SPATA21: variants seen among roughly 807,000 people sequenced by gnomAD.
SPATA21 encodes the protein spermatogenesis-associated protein 21.
In SPATA21, 47 loss-of-function variants were observed where a neutral mutation model predicts 54.8. That is an observed-to-expected ratio of 0.86 (90% confidence interval 0.68 to 1.09). The LOEUF is 1.09. SPATA21 is among the 50% of genes least tolerant of loss of function. The pLI, the probability that SPATA21 is intolerant of heterozygous loss-of-function variation, is 0.00. For synonymous variants in SPATA21, 245 were observed against 235.3 expected (o/e 1.04, Z -0.38); for missense variants, 599 against 596.4 (o/e 1.00, Z -0.05).
At chr1:16,423,412 CAAAA>C (rs1161125061) in intron 3 of SPATA21, among the ~76,000 whole-genome samples, 2 of 59,142 alleles carry the variant, frequency 3.4e-5, no homozygotes, top group African/African-American at 5.1e-5. Context: ...GACTCCATGT[CAAAA>C]AAAAAAAAAA....
rs755477335 is a variant in SPATA21, at chr1:16,421,600, G to A, written c.96-43C>T. On this transcript the variant is annotated intron_variant, in intron 4 of 12. Coordinates refer to ENST00000335496, the MANE Select transcript of SPATA21 (RefSeq NM_198546.1). The surrounding 1 kb of genome is among the most constrained non-coding windows in gnomAD (Gnocchi z 5.2). The stretch of plus-strand genomic sequence containing the variant: ...CCCCAGGTGGGGGAAGCGCTCAGCT[G>A]AAGGTTTGCCCCCCTGCCCTCCCCT... 3 of 1,590,208 alleles carry A rather than the reference G, an allele frequency of 1.9e-6. No individual in the cohort carries two copies. The highest frequency in any genetic ancestry group is 1.7e-6 in the Non-Finnish European group (2 of 1,166,550).
chr1:16,418,318 C>A (rs981288128), intron 5 of SPATA21, among the ~76,000 whole-genome samples: 1 of 152,132 alleles, frequency 6.6e-6, no homozygotes, highest in Non-Finnish European at 1.5e-5. Flanking sequence ...GTCGCCCAGG[C>A]CGGAGTGCAG....
At chr1:16,432,114 C>CTTCT (rs1483263524) in intron 2 of SPATA21, among the ~76,000 whole-genome samples, 2 of 133,104 alleles carry the variant, frequency 1.5e-5, no homozygotes, top group Non-Finnish European at 3.2e-5. Context: ...TCTTCTTCTT[C>CTTCT]TTTTTTTTTT....
intron 3 of SPATA21, among the ~76,000 whole-genome samples, chr1:16,425,890 A>G (rs933785183): frequency 4.6e-5 from 7 of 152,080 alleles, no homozygotes; most frequent in Non-Finnish European, 7.4e-5. Context: ...TTTGATGTCA[A>G]TGTTTGGGGG....
At chr1:16,425,248 G>A (rs896994197) in intron 3 of SPATA21, 2 of 604,990 alleles carry the variant, frequency 3.3e-6, no homozygotes, top group African/African-American at 3.6e-5. Flanking sequence ...TGTAGGCTGG[G>A]GGAATAGCCC....
upstream of SPATA21, among the ~76,000 whole-genome samples, chr1:16,437,659 T>C (rs2086614857): frequency 1.3e-5 from 2 of 152,152 alleles, no homozygotes; most frequent in African/African-American, 4.8e-5. Flanking sequence ...TCCAGGATGG[T>C]AGGAGCTGGA....
intron 3 of SPATA21, among the ~76,000 whole-genome samples, chr1:16,424,174 G>A (rs1012253724): frequency 8.3e-5 from 4 of 48,318 alleles, no homozygotes; most frequent in Non-Finnish European, 1.4e-4. Flanking sequence ...CAGGCTGGGT[G>A]CGGTGGCTCA....
intron 10 of SPATA21, among the ~76,000 whole-genome samples, chr1:16,401,243 A>G (rs1223975463): frequency 6.6e-6 from 1 of 152,254 alleles, no homozygotes; most frequent in Admixed American, 6.5e-5. Context: ...TCAAGCACGC[A>G]GCATGGTGTC....
chr1:16,423,167 A>G (rs2086218418), intron 3 of SPATA21, among the ~76,000 whole-genome samples: 1 of 147,716 alleles, frequency 6.8e-6, no homozygotes, highest in Non-Finnish European at 1.5e-5. Flanking sequence ...TTGAAAAAAA[A>G]TAATAAAGGC....
At chr1:16,420,842 G>A (rs2086151677) in intron 5 of SPATA21, among the ~76,000 whole-genome samples, 1 of 152,024 alleles carries the variant, frequency 6.6e-6, no homozygotes, top group Non-Finnish European at 1.5e-5. Context: ...GAGGGAGGGC[G>A]GTGTGGCCAA....
rs765547290 is a variant in SPATA21, at chr1:16,409,909, C to T, written c.279G>A (p.Glu93=). Residue 93 remains glutamate (E), a synonymous_variant, in exon 6 of 13, where the codon GAG becomes GAA. Transcript: ENST00000335496. This position sits in a 1 kb window ranked among gnomAD's most constrained non-coding sequence, Gnocchi z 4.1. ...CTCTCCGATGGGAGGCCTCCATTTT[C>T]TCCACCTCCAGCAAGCACTTCATGA... ...QGFMKCLLEV[E]KMEASHRRAS... 1.2e-6 allele frequency: 2 copies of T among 1,613,918 alleles called. No individual in the cohort carries two copies. Among genetic ancestry groups the T allele is most frequent in the African/African-American group, 1.3e-5 (1 of 75,048 alleles).
At position 16,431,430 on chromosome 1, in the gene SPATA21, A is replaced by G. The variant is rs1392461106; in HGVS notation, c.-51-8T>C. 3 of 1,606,684 alleles carry G rather than the reference A, an allele frequency of 1.9e-6. No homozygotes were observed. The highest frequency in any genetic ancestry group is 2.6e-6 in the Non-Finnish European group (3 of 1,175,876). Reference sequence around the variant, plus strand: ...GCATCACCTAGTGTGCTCCTACAGGAGAAATCCAATCAAGCGTCCCACCAA... The same window carrying G: ...GCATCACCTAGTGTGCTCCTACAGGGGAAATCCAATCAAGCGTCCCACCAA... On this transcript the variant is annotated splice_polypyrimidine_tract_variant and splice_region_variant and intron_variant, in intron 2 of 12. Coordinates refer to ENST00000335496, the MANE Select transcript of SPATA21 (RefSeq NM_198546.1).
rs151062656 is a variant in SPATA21 at position 16,399,545 on chromosome 1, A to G, written c.1175-24T>C. The G allele has an allele frequency of 3.8e-4, 609 of 1,607,390 alleles. 5 individuals are homozygous for G. The African/African-American group carries it at 7.3e-3, about 19-fold the overall frequency. On this transcript the variant is annotated intron_variant, in intron 11 of 12. Transcript: ENST00000335496. ...AGCTGGTGAAGAAGGAGGCAGAAGG[A>G]GGAATGCTTCACAGCATGCCCAGCC... is the stretch of plus-strand genomic sequence containing the variant.
chr1:16,410,474 G>A (rs888646921), intron 5 of SPATA21, among the ~76,000 whole-genome samples: 4 of 151,276 alleles, frequency 2.6e-5, no homozygotes, highest in African/African-American at 9.7e-5. Flanking sequence ...GCAGTGGTGT[G>A]ATCTTGGCTC....
intron 5 of SPATA21, among the ~76,000 whole-genome samples, chr1:16,412,468 G>A (rs7512556): frequency 0.26 from 38,537 of 147,016 alleles, 5,744 homozygotes; most frequent in East Asian, 0.74. Context: ...TACCATCTTT[G>A]TTTGTTTGTT....
Position 16,428,899 on chromosome 1 carries a change from G to A in SPATA21, c.34+2439C>T, listed in dbSNP as rs1018377719. On this transcript the variant is annotated intron_variant, in intron 3 of 12. Coordinates refer to ENST00000335496, the MANE Select transcript of SPATA21 (RefSeq NM_198546.1). This position sits in a 1 kb window ranked among gnomAD's most constrained non-coding sequence, Gnocchi z 4.3. ...TGTGCTAGGTGCCTTAGTCAACACC[G>A]TAAAACAAATGAGGCTGCAAGGGGT... Among the ~76,000 whole-genome samples the A allele has an allele frequency of 2.5e-4, 38 of 152,214 alleles. No individual in the cohort carries two copies. The highest frequency in any genetic ancestry group is 5.8e-4 in the East Asian group (3 of 5,200).
chr1:16,409,858 G>A lies in SPATA21; in HGVS notation c.330C>T (p.Ala110=), dbSNP rs746980477. The part of the protein sequence containing the change: ...RRASKARSQT[A]QKSPRTLTPV... ...GGGTCAGGGTCCTGGGCGACTTCTG[G>A]GCTGTCTGGGACCGGGCCTTCGAGG... Residue 110 remains alanine, a synonymous_variant, in exon 6 of 13, where the codon GCC becomes GCT. Transcript: ENST00000335496. This position sits in a 1 kb window ranked among gnomAD's most constrained non-coding sequence, Gnocchi z 4.1. 3.1e-6 allele frequency: 5 copies of A among 1,608,032 alleles called. No homozygotes were observed. In the Admixed American group the frequency reaches 8.5e-5, roughly 27 times the overall value.
chr1:16,417,383 C>A (rs552574577), intron 5 of SPATA21, among the ~76,000 whole-genome samples: 1 of 151,768 alleles, frequency 6.6e-6, no homozygotes, highest in Non-Finnish European at 1.5e-5. Flanking sequence ...CTCAGCCTCC[C>A]AAGTAGCCGG....
At position 16,409,194 on chromosome 1, in the gene SPATA21, C is replaced by A; in HGVS notation, c.597G>T (p.Pro199=). 6.2e-7 allele frequency: 1 copy of A among 1,614,102 alleles called. No homozygotes were observed. The highest frequency in any genetic ancestry group is 1.7e-5 in the Admixed American group (1 of 60,020). Residue 199 remains proline (P), a synonymous_variant, in exon 7 of 13, where the codon CCG becomes CCT. Coordinates refer to ENST00000335496, the MANE Select transcript of SPATA21 (RefSeq NM_198546.1). The surrounding 1 kb of genome is among the most constrained non-coding windows in gnomAD (Gnocchi z 4.1). ...AAAGCTTTTGGAGGCTCTGCTCTTC[C>A]GGCTCCTGCCTGCAGAGGACAGAAC... The part of the protein sequence containing the change: ...TLSYAKARQE[P]EEQSLQKLYQ...
Sources: allele counts gnomAD v4.1 joint callset (sites outside exome capture counted in the v4.1 genomes callset), GRCh38; gene constraint gnomAD v4.1.1; non-coding constraint Gnocchi (gnomAD v3.1); transcripts MANE v1.5; gene names NCBI Gene and HGNC (gene_info 2026-07-23, HGNC 2026-07-21).